The following CTNND1 variants were observed in gnomAD, a reference collection of about 807,000 sequenced individuals.
The protein encoded by CTNND1 is catenin delta-1.
Under a neutral mutation model 112.1 loss-of-function variants are expected in CTNND1, and 16 were observed. The ratio of observed to expected loss-of-function variants is 0.14; its 90% CI spans 0.10 to 0.22. CTNND1 has a LOEUF of 0.22. CTNND1 is among the 10% of genes least tolerant of loss of function. The probability of loss-of-function intolerance (pLI) is 1.00; values close to 1 mark genes in which losing one functional copy is unlikely to be tolerated. For synonymous variants in CTNND1, 420 were observed against 446.5 expected (o/e 0.94, Z 0.75); for missense variants, 1,008 against 1,257.0 (o/e 0.80, Z 3.00).
chr11:57,815,592 A>C (rs748739362), intron 19 of CTNND1, 92 bp downstream of exon 19: 3 of 1,099,448 alleles, frequency 2.7e-6, no homozygotes, highest in Middle Eastern at 4.0e-4. Context: ...GTACAGAGAA[A>C]GATCGCATCC....
intron 1 of CTNND1, among the ~76,000 whole-genome samples, chr11:57,772,010 C>T (rs568237862): frequency 6.6e-6 from 1 of 151,890 alleles, no homozygotes; most frequent in South Asian, 2.1e-4. Context: ...CAGCCTCCGC[C>T]TCCCACGCTC....
At chr11:57,766,340 G>A (rs553438348) in intron 1 of CTNND1, among the ~76,000 whole-genome samples, 2 of 152,272 alleles carry the variant, frequency 1.3e-5, no homozygotes, top group African/African-American at 4.8e-5. Flanking sequence ...AAGAAAGTAT[G>A]TTTGGATATC....
At chr11:57,799,977 G>GTTTT (rs1565347274) in intron 6 of CTNND1, among the ~76,000 whole-genome samples, 1 of 72,698 alleles carries the variant, frequency 1.4e-5, no homozygotes, top group Non-Finnish European at 3.0e-5. Context: ...TTTTGTTTCC[G>GTTTT]TGTTTTTTTT....
At chr11:57,790,085 A>G (rs537056609) in intron 2 of CTNND1, among the ~76,000 whole-genome samples, 1 of 152,158 alleles carries the variant, frequency 6.6e-6, no homozygotes, top group Admixed American at 6.6e-5. Context: ...TTATGAATGT[A>G]TTATTATATT....
Position 57,791,640 on chromosome 11 carries a change from C to T in CTNND1, c.162C>T (p.Leu54=), listed in dbSNP as rs746678381. The part of the protein sequence containing the change: ...VRVSPQDANP[L]MANGTLTRRH... ...TCTCACCACAAGATGCCAACCCACTCATGGCCAACGGCACACTCACCCGCC... is the reference window on the plus strand; with the variant it reads ...TCTCACCACAAGATGCCAACCCACTTATGGCCAACGGCACACTCACCCGCC... Residue 54 remains leucine, a synonymous_variant, in exon 3 of 21, where the codon CTC becomes CTT. Transcript: ENST00000399050. 39 of 1,591,810 alleles carry T rather than the reference C, an allele frequency of 2.5e-5. No individual in the cohort carries two copies. In the Admixed American group the frequency reaches 3.1e-4, roughly 13 times the overall value.
Position 57,801,716 on chromosome 11 carries a change from C to A in CTNND1, c.957-17C>A. 6.3e-7 allele frequency: 1 copy of A among 1,597,456 alleles called. No individual in the cohort carries two copies. Among genetic ancestry groups the A allele is most frequent in the South Asian group, 1.1e-5 (1 of 89,362 alleles). On this transcript the variant is annotated splice_polypyrimidine_tract_variant and intron_variant, in intron 6 of 20. Transcript: ENST00000399050. ...AATGACTTGATGTATTCTCTTGGTTCTTCCAAAACTTCTCAGGAGCTATGA... is the reference window on the plus strand; with the variant it reads ...AATGACTTGATGTATTCTCTTGGTTATTCCAAAACTTCTCAGGAGCTATGA...
intron 1 of CTNND1, among the ~76,000 whole-genome samples, chr11:57,766,552 G>A (rs1951119636): frequency 6.6e-6 from 1 of 152,168 alleles, no homozygotes; most frequent in Non-Finnish European, 1.5e-5. Context: ...TTCCCTCAAA[G>A]AAGGGTTAAA....
rs1222205729 is a variant in CTNND1, at chr11:57,791,643, G to T, written c.165G>T (p.Met55Ile). The T allele has an allele frequency of 3.8e-6, 6 of 1,588,388 alleles. No individual in the cohort carries two copies. The highest frequency in any genetic ancestry group is 5.2e-6 in the Non-Finnish European group (6 of 1,164,436). Residue 55 changes from methionine (M) to isoleucine (I), a missense_variant, in exon 3 of 21, where the codon ATG (methionine) becomes ATT (isoleucine). Met to Ile is a conservative substitution (Grantham distance 10). Transcript: ENST00000399050. ...CACCACAAGATGCCAACCCACTCAT[G>T]GCCAACGGCACACTCACCCGCCGGC... is the stretch of plus-strand genomic sequence containing the variant. ...RVSPQDANPL[M>I]ANGTLTRRHQ...
chr11:57,804,899 C>G, intron 9 of CTNND1, 119 bp downstream of exon 9: 1 of 696,566 alleles, frequency 1.4e-6, no homozygotes, highest in Non-Finnish European at 2.4e-6. Flanking sequence ...TTTATACTGT[C>G]CCCTACCCCT....
chr11:57,766,836 A>G (rs1361867576), intron 1 of CTNND1, among the ~76,000 whole-genome samples: 1 of 152,180 alleles, frequency 6.6e-6, no homozygotes, highest in African/African-American at 2.4e-5. Context: ...TGAATTTACC[A>G]CTTTATTCAG....
intron 8 of CTNND1, 60 bp downstream of exon 8, chr11:57,803,864 TAAAA>T: frequency 1.0e-5 from 9 of 900,402 alleles, no homozygotes; most frequent in East Asian, 6.6e-5. Flanking sequence ...TTAAATTTCC[TAAAA>T]AAAAAAAAAA....
chr11:57,765,654 G>C (rs1950871638), intron 1 of CTNND1, among the ~76,000 whole-genome samples: 1 of 151,764 alleles, frequency 6.6e-6, no homozygotes, highest in African/African-American at 2.4e-5. Flanking sequence ...TTTTTGTGGA[G>C]ATGGGGTCTC....
chr11:57,801,043 T>G (rs1260602405), intron 6 of CTNND1, among the ~76,000 whole-genome samples: 1 of 152,224 alleles, frequency 6.6e-6, no homozygotes, highest in Non-Finnish European at 1.5e-5. Flanking sequence ...GAATCTTACC[T>G]CTTAACACAT....
intron 19 of CTNND1, 49 bp from the exon 20 acceptor site, chr11:57,815,866 C>T (rs778529692): frequency 8.0e-6 from 12 of 1,496,984 alleles, no homozygotes; most frequent in Non-Finnish European, 1.1e-5. Context: ...GGCACACACT[C>T]ATGAGGTTCC....
Position 57,762,132 on chromosome 11 carries a change from A to G in CTNND1, c.-214+13A>G. Reference sequence around the variant, plus strand: ...TTTTTGTCTTACGGTAACCGGAGGGAATTAAAAAACGGGAGAGTCTGTTAT... The same window carrying G: ...TTTTTGTCTTACGGTAACCGGAGGGGATTAAAAAACGGGAGAGTCTGTTAT... On this transcript the variant is annotated intron_variant, in intron 1 of 20. Transcript: ENST00000399050. The G allele has an allele frequency of 1.4e-5, 14 of 982,538 alleles. No homozygotes were observed. The highest frequency in any genetic ancestry group is 1.7e-5 in the Non-Finnish European group (14 of 827,280). The allele number at this position is 982,538 out of a possible 1,614,324, so 60.9% of individuals were successfully genotyped here.
intron 1 of CTNND1, among the ~76,000 whole-genome samples, chr11:57,780,584 G>A (rs2059472270): frequency 1.3e-5 from 2 of 152,180 alleles, no homozygotes; most frequent in Non-Finnish European, 2.9e-5. Context: ...TCAAGGGGAA[G>A]AGCAATAATG....
intron 1 of CTNND1, among the ~76,000 whole-genome samples, chr11:57,780,756 A>G (rs1207236949): frequency 6.6e-6 from 1 of 152,210 alleles, no homozygotes; most frequent in East Asian, 1.9e-4. Flanking sequence ...CTCAAAAGGA[A>G]GACATACTCC....
chr11:57,776,871 C>G (rs946429830), intron 1 of CTNND1, among the ~76,000 whole-genome samples: 2 of 152,178 alleles, frequency 1.3e-5, no homozygotes, highest in South Asian at 2.1e-4. Context: ...GTGTTCAGTT[C>G]TCTGTCTGGG....
At chr11:57,763,209 C>T (rs1367113399) in intron 1 of CTNND1, among the ~76,000 whole-genome samples, 2 of 151,884 alleles carry the variant, frequency 1.3e-5, no homozygotes, top group Non-Finnish European at 2.9e-5. Context: ...TGCAAAAGTA[C>T]GGATTCTAGA....
Sources: allele counts gnomAD v4.1 joint callset (sites outside exome capture counted in the v4.1 genomes callset), GRCh38; gene constraint gnomAD v4.1.1; transcripts MANE v1.5; gene names NCBI Gene and HGNC (gene_info 2026-07-23, HGNC 2026-07-21).